Variants in HYDIN observed in about 807,000 individuals in gnomAD.
HYDIN encodes the protein axonemal central pair apparatus protein HYDIN.
In HYDIN, 132 loss-of-function variants were observed where a neutral mutation model predicts 403.9. The observed-to-expected ratio is 0.33, with a 90% CI of 0.28 to 0.38. The LOEUF is 0.38. HYDIN is among the 10% of genes least tolerant of loss of function. The pLI is 1.00. For missense variants in HYDIN, 2,827 were observed against 5,009.5 expected (o/e 0.56, Z 13.15); for synonymous variants, 1,202 against 1,891.7 (o/e 0.64, Z 9.46).
At chr16:70,885,518 C>G (rs999640395) in intron 58 of HYDIN, among the ~76,000 whole-genome samples, 5 of 152,076 alleles carry the variant, frequency 3.3e-5, no homozygotes, top group African/African-American at 1.2e-4. Context: ...ATGAGCGGAA[C>G]TGAGGCAGCA....
chr16:71,138,861 A>G (rs1050228591), intron 7 of HYDIN, among the ~76,000 whole-genome samples: 1 of 152,218 alleles, frequency 6.6e-6, no homozygotes, highest in Non-Finnish European at 1.5e-5. Context: ...AGGCAGGCAG[A>G]TCACCCGAGG....
At chr16:71,185,781 T>C (rs2087120091) in intron 2 of HYDIN, among the ~76,000 whole-genome samples, 1 of 152,282 alleles carries the variant, frequency 6.6e-6, no homozygotes, top group African/African-American at 2.4e-5. Flanking sequence ...TTATGATCAT[T>C]GGCAGCTACA....
chr16:71,163,853 A>G (rs1176010805), intron 5 of HYDIN, among the ~76,000 whole-genome samples: 3 of 152,264 alleles, frequency 2.0e-5, no homozygotes, highest in Non-Finnish European at 4.4e-5. Flanking sequence ...TAAATGTGGG[A>G]TTGTTTGTAA....
chr16:70,976,735 TAATA>T (rs2078899430), intron 30 of HYDIN, among the ~76,000 whole-genome samples: 1 of 152,180 alleles, frequency 6.6e-6, no homozygotes, highest in South Asian at 2.1e-4. Context: ...ATTTTGTATA[TAATA>T]AATAAAAATA....
chr16:70,992,746 C>T (rs1339051769), intron 23 of HYDIN, among the ~76,000 whole-genome samples: 1 of 152,120 alleles, frequency 6.6e-6, no homozygotes, highest in Non-Finnish European at 1.5e-5. Flanking sequence ...TTGCTTGCCA[C>T]ACCCTAGTCC....
chr16:70,928,022 G>T (rs2077206140), intron 45 of HYDIN, among the ~76,000 whole-genome samples: 1 of 151,040 alleles, frequency 6.6e-6, no homozygotes, highest in South Asian at 2.1e-4. Context: ...ACAGACACAA[G>T]AGATGTAGAA....
chr16:71,004,314 C>CAA (rs11383182), intron 23 of HYDIN, among the ~76,000 whole-genome samples: 237 of 88,182 alleles, frequency 2.7e-3, no homozygotes, highest in African/African-American at 9.4e-3. Flanking sequence ...AACTCCATTT[C>CAA]AAAAAAAAAA....
chr16:70,943,763 G>A, intron 42 of HYDIN, 49 bp downstream of exon 42: 1 of 1,591,202 alleles, frequency 6.3e-7, no homozygotes, highest in Non-Finnish European at 8.5e-7. Flanking sequence ...TGTGGGGATG[G>A]TGCGTGAATG....
At chr16:71,137,083 T>C (rs2084953497) in intron 8 of HYDIN, 68 bp downstream of exon 8, 2 of 948,872 alleles carry the variant, frequency 2.1e-6, no homozygotes, top group Non-Finnish European at 3.3e-6. Context: ...TCACTAATTT[T>C]TCATAATAAC....
At chr16:70,945,322 A>G (rs1351122095) in intron 41 of HYDIN, among the ~76,000 whole-genome samples, 1 of 152,216 alleles carries the variant, frequency 6.6e-6, no homozygotes, top group East Asian at 1.9e-4. Context: ...TGGTGAAATT[A>G]TTTACTAAGA....
intron 54 of HYDIN, 101 bp downstream of exon 54, chr16:70,895,880 T>C: frequency 1.4e-6 from 2 of 1,436,790 alleles, no homozygotes; most frequent in Admixed American, 4.8e-5. Context: ...CCATGCCCAA[T>C]CCCTGCAATA....
At chr16:70,849,626 TG>T in intron 75 of HYDIN, 99 bp downstream of exon 75, 1 of 689,492 alleles carries the variant, frequency 1.5e-6, no homozygotes, top group Non-Finnish European at 2.6e-6. Flanking sequence ...TAGGAGCTTC[TG>T]GACACATGGA....
intron 12 of HYDIN, among the ~76,000 whole-genome samples, chr16:71,084,888 T>C (rs1000261283): frequency 2.4e-4 from 37 of 152,072 alleles, no homozygotes; most frequent in Non-Finnish European, 1.2e-4. Flanking sequence ...CTTATTAATA[T>C]GTTCTATTAC....
intron 6 of HYDIN, among the ~76,000 whole-genome samples, chr16:71,154,178 C>G (rs1351337290): frequency 2.7e-5 from 4 of 147,838 alleles, no homozygotes; most frequent in Admixed American, 6.7e-5. Context: ...TACTACAGGA[C>G]CTCAGGTGCT....
intron 9 of HYDIN, among the ~76,000 whole-genome samples, chr16:71,126,520 G>A (rs7203444): frequency 0.33 from 49,429 of 149,832 alleles, 8,391 homozygotes; most frequent in East Asian, 0.56. Context: ...GCTGTCAGTC[G>A]TGGTAATCTT....
At chr16:70,926,921 A>C (rs1438998576) in intron 45 of HYDIN, among the ~76,000 whole-genome samples, 1 of 152,264 alleles carries the variant, frequency 6.6e-6, no homozygotes, top group Non-Finnish European at 1.5e-5. Flanking sequence ...ACCATATGTC[A>C]GAAGAAAATA....
intron 47 of HYDIN, among the ~76,000 whole-genome samples, chr16:70,916,598 T>C (rs1188268450): frequency 6.6e-6 from 1 of 152,170 alleles, no homozygotes; most frequent in Non-Finnish European, 1.5e-5. Context: ...GGAGCTAAAA[T>C]TCACAATGCG....
At chr16:70,930,310 G>A (rs542795072) in intron 45 of HYDIN, among the ~76,000 whole-genome samples, 4 of 152,288 alleles carry the variant, frequency 2.6e-5, no homozygotes, top group East Asian at 3.9e-4. Flanking sequence ...GCGAAACCCC[G>A]TCTCTACTAA....
chr16:70,995,696 T>C (rs988919431), intron 23 of HYDIN, among the ~76,000 whole-genome samples: 23 of 152,128 alleles, frequency 1.5e-4, no homozygotes, highest in Non-Finnish European at 2.5e-4. Context: ...TGGACACCCA[T>C]TGAAGTCTGC....
Sources: gnomAD v4.1 joint callset for allele counts (sites outside exome capture counted in the v4.1 genomes callset) on GRCh38, gnomAD v4.1.1 for gene constraint, MANE v1.5 for transcripts, NCBI Gene and HGNC (gene_info 2026-07-23, HGNC 2026-07-21) for gene names.